Variants in EML6 observed in about 807,000 individuals in gnomAD.
EML6 encodes the protein EMAP like 6, also known as echinoderm microtubule-associated protein-like 6.
EML6 carries 154 observed loss-of-function variants against 240.1 expected under a neutral mutation model. That is an observed-to-expected ratio of 0.64 (90% CI 0.56 to 0.73). The LOEUF is 0.73. EML6 is among the 30% of genes least tolerant of loss of function. EML6 has a pLI of 0.00. For synonymous variants in EML6, 1,148 were observed against 899.0 expected (o/e 1.28, Z -4.95); for missense variants, 2,964 against 2,474.6 (o/e 1.20, Z -4.20).
At chr2:54,852,003 G>A (rs1410304331) in intron 10 of EML6, among the ~76,000 whole-genome samples, 2 of 152,150 alleles carry the variant, frequency 1.3e-5, no homozygotes, top group Non-Finnish European at 2.9e-5. Context: ...AGAAAAAATG[G>A]CCCTGGGAGT....
chr2:54,933,730 T>C (rs1352046035), intron 28 of EML6, among the ~76,000 whole-genome samples: 1 of 151,612 alleles, frequency 6.6e-6, no homozygotes, highest in African/African-American at 2.4e-5. Context: ...AGACTCTGCC[T>C]CAAAAAGAAA....
chr2:54,807,807 A>T (rs1360031949), intron 2 of EML6, among the ~76,000 whole-genome samples: 1 of 152,242 alleles, frequency 6.6e-6, no homozygotes. Flanking sequence ...CTGGTTTACA[A>T]AGTTGCTAAA....
intron 2 of EML6, among the ~76,000 whole-genome samples, chr2:54,794,006 C>T (rs926353299): frequency 6.6e-6 from 1 of 152,236 alleles, no homozygotes. Flanking sequence ...CCTTGCCTCA[C>T]CTCATCTAAT....
chr2:54,838,864 C>T (rs983739031), intron 7 of EML6, among the ~76,000 whole-genome samples: 4 of 152,254 alleles, frequency 2.6e-5, no homozygotes, highest in African/African-American at 9.6e-5. Context: ...TTCACAGTGT[C>T]AAAAGTAACA....
intron 22 of EML6, among the ~76,000 whole-genome samples, chr2:54,902,616 C>G (rs964606551): frequency 2.6e-5 from 4 of 152,322 alleles, no homozygotes; most frequent in African/African-American, 7.2e-5. Context: ...CCAGGCTGGT[C>G]TTGAACTCCA....
In EML6 at chr2:54,895,269, C is replaced by G. The variant is rs1672703489; in HGVS notation, c.2855-4C>G. Reference sequence around the variant, plus strand: ...TGTGTTAAATATACCATCCCCTTCCCCAGGCTTGCTTTTGGAAGATAACCC... The same window carrying G: ...TGTGTTAAATATACCATCCCCTTCCGCAGGCTTGCTTTTGGAAGATAACCC... On this transcript the variant is annotated splice_region_variant and splice_polypyrimidine_tract_variant and intron_variant, in intron 20 of 41. Transcript: ENST00000356458. The G allele has an allele frequency of 6.4e-7, 1 of 1,551,384 alleles. No homozygotes were observed.
intron 16 of EML6, 81 bp downstream of exon 16, chr2:54,871,686 C>CACGCGTGT: frequency 2.0e-6 from 2 of 986,656 alleles, no homozygotes. Context: ...CGCATGCGCG[C>CACGCGTGT]ACGCGTGTGT....
chr2:54,925,649 C>A (rs548190186), intron 26 of EML6, among the ~76,000 whole-genome samples: 1 of 152,174 alleles, frequency 6.6e-6, no homozygotes. Flanking sequence ...CCAATTAGAT[C>A]ATTAGTGCCC....
chr2:54,899,549 T>C (rs1412103365), intron 21 of EML6, 92 bp from the exon 22 acceptor site: 12 of 1,256,890 alleles, frequency 9.5e-6, no homozygotes, highest in Non-Finnish European at 9.6e-6. Flanking sequence ...TTTTTTGTGG[T>C]ACTCTTGGAC....
chr2:54,941,207 T>C (rs1390858375), intron 28 of EML6, among the ~76,000 whole-genome samples: 1 of 152,216 alleles, frequency 6.6e-6, no homozygotes, highest in African/African-American at 2.4e-5. Flanking sequence ...GTGGTCAAAT[T>C]GGTATCATTA....
chr2:54,882,125 T>C (rs750394687), intron 17 of EML6: 13 of 152,214 alleles, frequency 8.5e-5, no homozygotes, highest in Non-Finnish European at 1.5e-4. Flanking sequence ...AATTGGACCA[T>C]AGAGATCTTA....
intron 34 of EML6, among the ~76,000 whole-genome samples, chr2:54,959,551 C>A (rs765947489): frequency 1.3e-5 from 2 of 152,084 alleles, no homozygotes; most frequent in Non-Finnish European, 2.9e-5. Context: ...CACCTGAGGT[C>A]AGGAGTTCAA....
At position 54,876,323 on chromosome 2, in the gene EML6, C is replaced by T. The variant is rs78598071; in HGVS notation, c.2345-3224C>T. On this transcript the variant is annotated intron_variant, in intron 16 of 41. Transcript: ENST00000356458. ...AGAAATAGCCCACACCCGCAGAACTCGGGGAAGTCACCATCCCAAAAAAGA... is the reference window on the plus strand; with the variant it reads ...AGAAATAGCCCACACCCGCAGAACTTGGGGAAGTCACCATCCCAAAAAAGA... 1.2e-4 allele frequency among the ~76,000 whole-genome samples: 19 copies of T among 152,218 alleles called. No individual in the cohort carries two copies. In the East Asian group the frequency reaches 1.9e-3, roughly 15 times the overall value.
chr2:54,898,423 C>A (rs1672884045), intron 21 of EML6, among the ~76,000 whole-genome samples: 1 of 152,012 alleles, frequency 6.6e-6, no homozygotes. Flanking sequence ...TGAGGTTGAC[C>A]CCTGAGCTGT....
intron 28 of EML6, among the ~76,000 whole-genome samples, chr2:54,946,451 C>T (rs1675698171): frequency 6.6e-6 from 1 of 152,288 alleles, no homozygotes. Context: ...TCCTTCCCAC[C>T]TCAGCAAAGC....
intron 7 of EML6, among the ~76,000 whole-genome samples, chr2:54,832,065 A>G (rs1668897661): frequency 6.6e-6 from 1 of 152,192 alleles, no homozygotes; most frequent in African/African-American, 2.4e-5. Flanking sequence ...GGCTTGGGCA[A>G]CATTGTCACA....
intron 2 of EML6, among the ~76,000 whole-genome samples, chr2:54,764,416 C>G (rs747128613): frequency 1.3e-5 from 2 of 152,188 alleles, no homozygotes; most frequent in Non-Finnish European, 2.9e-5. Flanking sequence ...CCCCCCAAAG[C>G]AATCACAAAT....
intron 2 of EML6, among the ~76,000 whole-genome samples, chr2:54,753,637 G>T (rs1320202926): frequency 4.6e-5 from 7 of 151,384 alleles, no homozygotes. Flanking sequence ...TCTCCCTAGG[G>T]CCCCCAGTAA....
intron 2 of EML6, among the ~76,000 whole-genome samples, chr2:54,775,423 C>T (rs1365238866): frequency 6.6e-6 from 1 of 152,110 alleles, no homozygotes; most frequent in Non-Finnish European, 1.5e-5. Flanking sequence ...CTGAAACGCT[C>T]CTCCCCTCGA....
Sources: allele counts gnomAD v4.1 joint callset (sites outside exome capture counted in the v4.1 genomes callset), GRCh38; gene constraint gnomAD v4.1.1; transcripts MANE v1.5; gene names NCBI Gene and HGNC (gene_info 2026-07-23, HGNC 2026-07-21).